INSYN2B: variants seen among roughly 807,000 people sequenced by gnomAD.
INSYN2B encodes the protein inhibitory synaptic factor family member 2B, also known as protein INSYN2B.
In INSYN2B, 16 loss-of-function variants were observed where a neutral mutation model predicts 41.2. The observed-to-expected ratio is 0.39, with a 90% CI of 0.26 to 0.59. The LOEUF (loss-of-function observed/expected upper bound fraction) is 0.59. Among genes scored for constraint, INSYN2B ranks in the 20% least tolerant of loss-of-function variants. The pLI is 0.57. For missense variants in INSYN2B, 608 were observed against 646.4 expected (o/e 0.94, Z 0.64); for synonymous variants, 245 against 244.4 (o/e 1.00, Z -0.02).
chr5:169,927,669 T>C (rs1173952885), intron 1 of INSYN2B, among the ~76,000 whole-genome samples: 1 of 152,220 alleles, frequency 6.6e-6, no homozygotes, highest in Non-Finnish European at 1.5e-5. Flanking sequence ...CAGGCTGGAG[T>C]GCAGTGGCAC....
chr5:169,868,301 A>G (rs1349310006), intron 3 of INSYN2B, among the ~76,000 whole-genome samples: 1 of 152,198 alleles, frequency 6.6e-6, no homozygotes, highest in East Asian at 1.9e-4. Flanking sequence ...CTACTTTCCA[A>G]TTCTTCATCC....
chr5:169,933,740 C>T (rs1775865890), intron 1 of INSYN2B, among the ~76,000 whole-genome samples: 1 of 152,166 alleles, frequency 6.6e-6, no homozygotes, highest in Admixed American at 6.5e-5. Flanking sequence ...ACCCACTTCT[C>T]AGACTTCCAG....
intron 3 of INSYN2B, among the ~76,000 whole-genome samples, chr5:169,864,828 G>C (rs920887373): frequency 6.6e-6 from 1 of 152,176 alleles, no homozygotes; most frequent in Admixed American, 6.5e-5. Context: ...CAGAGGAACA[G>C]ACAAGAAAAC....
intron 1 of INSYN2B, among the ~76,000 whole-genome samples, chr5:169,955,002 A>C (rs1027021889): frequency 4.6e-5 from 7 of 152,240 alleles, no homozygotes; most frequent in African/African-American, 1.7e-4. Context: ...AACCTCCATG[A>C]GGAAGGCTCA....
At chr5:169,935,522 G>A (rs536263817) in intron 1 of INSYN2B, among the ~76,000 whole-genome samples, 24 of 152,250 alleles carry the variant, frequency 1.6e-4, no homozygotes, top group East Asian at 1.9e-4. Context: ...GCAGCCATTC[G>A]GATATCAGGT....
intron 1 of INSYN2B, among the ~76,000 whole-genome samples, chr5:169,900,894 A>G (rs1445972049): frequency 6.6e-6 from 1 of 152,214 alleles, no homozygotes; most frequent in Non-Finnish European, 1.5e-5. Context: ...ATCGATTAGG[A>G]GTTCACCATA....
chr5:169,904,633 C>A (rs766940953), intron 1 of INSYN2B, among the ~76,000 whole-genome samples: 4 of 152,172 alleles, frequency 2.6e-5, no homozygotes, highest in Admixed American at 6.5e-5. Context: ...AGCCTCTCCC[C>A]CTAGTGAGGG....
intron 3 of INSYN2B, among the ~76,000 whole-genome samples, chr5:169,865,272 G>A (rs1771474234): frequency 6.6e-6 from 1 of 152,166 alleles, no homozygotes; most frequent in South Asian, 2.1e-4. Context: ...CACAAACATT[G>A]AGGAGGTAAA....
intron 1 of INSYN2B, among the ~76,000 whole-genome samples, chr5:169,913,977 G>A (rs908413244): frequency 6.6e-6 from 1 of 152,124 alleles, no homozygotes; most frequent in African/African-American, 2.4e-5. Flanking sequence ...GAAAACTCAC[G>A]TGTCCTGACC....
Position 169,884,032 on chromosome 5 carries a change from T to C in INSYN2B, c.-134A>G, listed in dbSNP as rs965623589. 1.3e-6 allele frequency: 1 copy of C among 773,890 alleles called. No individual in the cohort carries two copies. The highest frequency in any genetic ancestry group is 1.9e-6 in the Non-Finnish European group (1 of 533,886). 47.9% of individuals were successfully genotyped at this position (773,890 alleles called of 1,614,324 possible). A position where few individuals can be genotyped will look rare whatever the true frequency, so the allele number is the denominator to read the frequency against. On this transcript the variant is annotated 5_prime_UTR_variant, in exon 2 of 4. Coordinates refer to ENST00000377365, the MANE Select transcript of INSYN2B (RefSeq NM_001129891.3). ...GCCAGGATGGAGTGGTCCTCTCCTC[T>C]TAGTATGGGAAATCCTGTTGGCCAT...
At chr5:169,975,744 G>T (rs1777693826) in intron 1 of INSYN2B, among the ~76,000 whole-genome samples, 3 of 152,184 alleles carry the variant, frequency 2.0e-5, no homozygotes, top group Admixed American at 6.5e-5. Context: ...TATCTAAAAT[G>T]ATCTTACATA....
In INSYN2B at chr5:169,881,920, G is replaced by A. The variant is rs182746611; in HGVS notation, c.1347-478C>T. On this transcript the variant is annotated intron_variant, in intron 2 of 3. Coordinates refer to ENST00000377365, the MANE Select transcript of INSYN2B (RefSeq NM_001129891.3). Reference sequence around the variant, plus strand: ...CACTTTCTGCAGGGACGAGCATTTCGCATCTAAACAAATAACTGCCTTTTC... The same window carrying A: ...CACTTTCTGCAGGGACGAGCATTTCACATCTAAACAAATAACTGCCTTTTC... Among the ~76,000 whole-genome samples the A allele has an allele frequency of 4.3e-3, 653 of 152,260 alleles. 7 individuals carry two copies. The highest frequency in any genetic ancestry group is 0.015 in the African/African-American group (605 of 41,538).
At chr5:169,912,187 T>G (rs575942045) in intron 1 of INSYN2B, among the ~76,000 whole-genome samples, 62 of 152,220 alleles carry the variant, frequency 4.1e-4, no homozygotes, top group African/African-American at 1.5e-3. Flanking sequence ...TCTTTTGTTT[T>G]GTCTTTCAGT....
At chr5:169,917,486 T>C (rs1224941183) in intron 1 of INSYN2B, among the ~76,000 whole-genome samples, 1 of 152,226 alleles carries the variant, frequency 6.6e-6, no homozygotes, top group Non-Finnish European at 1.5e-5. Flanking sequence ...AGCAGATTAT[T>C]TTTTGATAAT....
chr5:169,957,129 G>A (rs1776902237), intron 1 of INSYN2B, among the ~76,000 whole-genome samples: 1 of 152,118 alleles, frequency 6.6e-6, no homozygotes, highest in African/African-American at 2.4e-5. Flanking sequence ...GTGCCATGAG[G>A]GCAGGGACTA....
At chr5:169,885,128 C>A (rs1023079725) in intron 1 of INSYN2B, among the ~76,000 whole-genome samples, 1 of 152,202 alleles carries the variant, frequency 6.6e-6, no homozygotes, top group Middle Eastern at 3.2e-3. Context: ...TACTCACACA[C>A]CCAGTGCCAA....
intron 1 of INSYN2B, among the ~76,000 whole-genome samples, chr5:169,972,570 TAGATAGATAGATAGATGATA>T (rs1304100725): frequency 1.4e-4 from 9 of 64,682 alleles, no homozygotes; most frequent in East Asian, 1.1e-3. Context: ...GATAGATAGA[TAGATAGATAGATAGATGATA>T]GATAGATAGA....
intron 1 of INSYN2B, among the ~76,000 whole-genome samples, chr5:169,887,102 G>A (rs924267583): frequency 7.9e-5 from 12 of 152,162 alleles, no homozygotes; most frequent in Admixed American, 2.6e-4. Context: ...TGAAGCACAG[G>A]CTTCTCACCA....
At position 169,929,149 on chromosome 5, in the gene INSYN2B, T is replaced by C. The variant is rs185004871; in HGVS notation, c.-918-44333A>G. ...TGCCTATGCAGGAAGCCCACGCACA[T>C]AGCACTTAGGCATAGCAGGGGGTTA... is the stretch of plus-strand genomic sequence containing the variant. On this transcript the variant is annotated intron_variant, in intron 1 of 3. Transcript: ENST00000377365. Among the ~76,000 whole-genome samples, 51 of 152,316 alleles carry C rather than the reference T, an allele frequency of 3.3e-4. 1 individual carries two copies. In the East Asian group the frequency reaches 7.2e-3, roughly 21 times the overall value.
Sources: gnomAD v4.1 joint callset for allele counts (sites outside exome capture counted in the v4.1 genomes callset) on GRCh38, gnomAD v4.1.1 for gene constraint, MANE v1.5 for transcripts, NCBI Gene and HGNC (gene_info 2026-07-23, HGNC 2026-07-21) for gene names.